POLE2: variants seen among roughly 807,000 people sequenced by gnomAD.
POLE2 encodes the protein DNA polymerase epsilon subunit 2.
Under a neutral mutation model 79.4 loss-of-function variants are expected in POLE2, and 56 were observed. The observed-to-expected ratio is 0.71, with a 90% CI of 0.57 to 0.88. The LOEUF is 0.88. Among genes scored for constraint, POLE2 ranks in the 40% least tolerant of loss-of-function variants. The pLI, the probability that POLE2 is intolerant of heterozygous loss-of-function variation, is 0.00. For synonymous variants in POLE2, 212 were observed against 214.0 expected (o/e 0.99, Z 0.08); for missense variants, 598 against 638.9 (o/e 0.94, Z 0.69).
intron 3 of POLE2, among the ~76,000 whole-genome samples, chr14:49,678,630 AG>A (rs1294691835): frequency 6.6e-6 from 1 of 152,142 alleles, no homozygotes; most frequent in Non-Finnish European, 1.5e-5. Flanking sequence ...TGATGGCTTT[AG>A]GAACATTCAT....
intron 18 of POLE2, among the ~76,000 whole-genome samples, chr14:49,645,844 G>T (rs1883721326): frequency 6.6e-6 from 1 of 152,184 alleles, no homozygotes; most frequent in East Asian, 1.9e-4. Context: ...TGTTGCCCAG[G>T]CTGGTCTTAA....
chr14:49,674,246 A>C (rs960511820), intron 4 of POLE2, 30 bp from the exon 5 acceptor site: 2 of 1,513,782 alleles, frequency 1.3e-6, no homozygotes, highest in African/African-American at 2.7e-5. Context: ...ATTTTTGACT[A>C]TCATAATACA....
chr14:49,669,553 G>A lies in POLE2; in HGVS notation c.463C>T (p.His155Tyr), dbSNP rs1215615163. Reference protein sequence around the residue: ...ELFTPPVIGSHPDESGSKFQL... With the variant: ...ELFTPPVIGSYPDESGSKFQL... ...AATTTGCTTCCGCTTTCATCAGGGT[G>A]AGAACCTATCACCGGAGGAGTAAAT... Residue 155 changes from histidine to tyrosine, a missense_variant, in exon 6 of 19, where the codon CAC (histidine) becomes TAC (tyrosine). Coordinates refer to ENST00000216367, the MANE Select transcript of POLE2 (RefSeq NM_002692.4). 2 of 1,599,396 alleles carry A rather than the reference G, an allele frequency of 1.3e-6. No homozygotes were observed. The highest frequency in any genetic ancestry group is 1.1e-5 in the South Asian group (1 of 90,754).
chr14:49,674,518 T>TGC, intron 3 of POLE2, 91 bp from the exon 4 acceptor site: 1 of 766,558 alleles, frequency 1.3e-6, no homozygotes, highest in Non-Finnish European at 2.2e-6. Context: ...GTATTTGTAA[T>TGC]AACACACTTT....
At chr14:49,665,826 A>T (rs1594588597) in intron 7 of POLE2, among the ~76,000 whole-genome samples, 1 of 151,640 alleles carries the variant, frequency 6.6e-6, no homozygotes, top group Non-Finnish European at 1.5e-5. Context: ...TTATTATTTT[A>T]TTTATTTATT....
rs35984833 is a variant in POLE2, at chr14:49,682,640, G to GAAAAAA, written c.169+947_169+952dup. Among the ~76,000 whole-genome samples, 171 of 60,964 alleles carry GAAAAAA rather than the reference G, an allele frequency of 2.8e-3. 4 individuals are homozygous for GAAAAAA. Among genetic ancestry groups the GAAAAAA allele is most frequent in the African/African-American group, 9.4e-3 (164 of 17,432 alleles). The allele number at this position is 60,964 out of a possible 152,430, so 40.0% of individuals were successfully genotyped here. On this transcript the variant is annotated intron_variant, in intron 2 of 18. Transcript: ENST00000216367. ...CGACAGTGCAAGACTCCTTCTCAGGGAAAAAAAAAAAAAAAAAAAAAAAAA... is the reference window on the plus strand; with the variant it reads ...CGACAGTGCAAGACTCCTTCTCAGGGAAAAAAAAAAAAAAAAAAAAAAAAAAAAAAA...
At chr14:49,676,522 C>T (rs1886286415) in intron 3 of POLE2, among the ~76,000 whole-genome samples, 1 of 152,212 alleles carries the variant, frequency 6.6e-6, no homozygotes, top group South Asian at 2.1e-4. Context: ...GACTCTCTGA[C>T]AATTGAAGGT....
chr14:49,666,278 A>C, intron 7 of POLE2, 52 bp downstream of exon 7: 1 of 889,924 alleles, frequency 1.1e-6, no homozygotes, highest in Middle Eastern at 2.2e-4. Context: ...TATGTAACCG[A>C]CATTTCATCA....
intron 1 of POLE2, among the ~76,000 whole-genome samples, chr14:49,687,298 CACCA>C (rs1490644583): frequency 5.1e-4 from 57 of 111,610 alleles, no homozygotes; most frequent in South Asian, 2.0e-3. Flanking sequence ...TATACACACA[CACCA>C]CACACACACA....
At chr14:49,664,174 C>T (rs575718478) in intron 9 of POLE2, among the ~76,000 whole-genome samples, 3 of 151,958 alleles carry the variant, frequency 2.0e-5, no homozygotes, top group African/African-American at 7.2e-5. Flanking sequence ...CATGGTGAAA[C>T]CCCGTCTCTA....
intron 8 of POLE2, 28 bp from the exon 9 acceptor site, chr14:49,664,702 T>C (rs1165940028): frequency 1.4e-6 from 2 of 1,407,020 alleles, no homozygotes; most frequent in Non-Finnish European, 2.0e-6. Flanking sequence ...AAAATAATTC[T>C]ATTCTTGAGG....
In POLE2 at chr14:49,676,592, T is replaced by C. The variant is rs79143787; in HGVS notation, c.246-2165A>G. The stretch of plus-strand genomic sequence containing the variant: ...CTCCATGTAGGCTGGCTATAACATA[T>C]AAACAGCCTGACAGAAATAGCCGAG... On this transcript the variant is annotated intron_variant, in intron 3 of 18. Coordinates refer to ENST00000216367, the MANE Select transcript of POLE2 (RefSeq NM_002692.4). Among the ~76,000 whole-genome samples the C allele has an allele frequency of 1.5e-4, 23 of 152,350 alleles. No individual in the cohort carries two copies. In the East Asian group the frequency reaches 4.4e-3, roughly 29 times the overall value.
intron 15 of POLE2, chr14:49,653,780 T>G: frequency 3.7e-6 from 1 of 272,184 alleles, no homozygotes; most frequent in Admixed American, 1.1e-4. Context: ...AGCCTCTTCA[T>G]AGAACCACAG....
intron 3 of POLE2, chr14:49,677,242 T>G (rs1340077985): frequency 2.8e-6 from 2 of 726,466 alleles, no homozygotes; most frequent in South Asian, 3.2e-5. Context: ...TCTGAGGGAG[T>G]AGGGTGCTAA....
At position 49,663,331 on chromosome 14, in the gene POLE2, G is replaced by T; in HGVS notation, c.739C>A (p.Pro247Thr). 6.2e-7 allele frequency: 1 copy of T among 1,601,898 alleles called. No homozygotes were observed. Residue 247 changes from proline (P) to threonine (T), a missense_variant, in exon 10 of 19, where the codon CCC (proline) becomes ACC (threonine). By Grantham distance (38) the Pro-to-Thr change is conservative (BLOSUM62 -1). Coordinates refer to ENST00000216367, the MANE Select transcript of POLE2 (RefSeq NM_002692.4). ...TTTTAATACCTAGTAGTACTAGAGG[G>T]CTCAGTGGGTGGAAATCCAAAGGCA... ...VNAFGFPPTE[P>T]SSTTRAYYGN...
At chr14:49,668,272 A>G (rs1030479824) in intron 6 of POLE2, among the ~76,000 whole-genome samples, 7 of 152,016 alleles carry the variant, frequency 4.6e-5, no homozygotes, top group Admixed American at 3.9e-4. Flanking sequence ...TCTGCCAGAA[A>G]GAAAGGAAAG....
At chr14:49,683,715 T>C (rs1334137186) in intron 1 of POLE2, 22 bp from the exon 2 acceptor site, 1 of 1,231,148 alleles carries the variant, frequency 8.1e-7, no homozygotes, top group African/African-American at 1.5e-5. Flanking sequence ...AAAGGAAAAA[T>C]GAGGCAGGTC....
At chr14:49,649,677 C>T (rs1884065264) in intron 17 of POLE2, among the ~76,000 whole-genome samples, 1 of 151,886 alleles carries the variant, frequency 6.6e-6, no homozygotes. Context: ...TCTTGAACTC[C>T]TGACCTCGTG....
intron 17 of POLE2, 162 bp downstream of exon 17, chr14:49,650,103 T>G (rs1272304819): frequency 2.4e-6 from 1 of 410,790 alleles, no homozygotes; most frequent in African/African-American, 2.1e-5. Context: ...TTTAAGAACT[T>G]TCTGTGTATA....
Sources: allele counts gnomAD v4.1 joint callset (sites outside exome capture counted in the v4.1 genomes callset), GRCh38; gene constraint gnomAD v4.1.1; transcripts MANE v1.5; gene names NCBI Gene and HGNC (gene_info 2026-07-23, HGNC 2026-07-21).